Variants in SNX29 observed in about 807,000 individuals in gnomAD.
SNX29 encodes sorting nexin 29.
In SNX29, 78 loss-of-function variants were observed where a neutral mutation model predicts 102.1. The observed-to-expected ratio is 0.76, with a 90% CI of 0.64 to 0.92. SNX29 has a LOEUF of 0.92. Ranked by LOEUF, SNX29 falls within the 40% of genes least tolerant of loss-of-function variation. The probability of loss-of-function intolerance (pLI) is 0.00; values close to 1 mark genes in which losing one functional copy is unlikely to be tolerated. For missense variants in SNX29, 1,280 were observed against 1,061.7 expected, an observed-to-expected ratio of 1.21 and a Z score of -2.86; for synonymous variants, 580 against 414.5, an observed-to-expected ratio of 1.40 and a Z score of -4.85.
At chr16:12,322,325 G>C (rs984833478) in intron 15 of SNX29, among the ~76,000 whole-genome samples, 38 of 152,084 alleles carry the variant, frequency 2.5e-4, no homozygotes, top group Non-Finnish European at 5.3e-4. Flanking sequence ...GGAAATCAGG[G>C]GCTATCGCAA....
intron 18 of SNX29, among the ~76,000 whole-genome samples, chr16:12,450,382 G>A (rs2086251142): frequency 6.6e-6 from 1 of 152,206 alleles, no homozygotes; most frequent in Admixed American, 6.5e-5. Context: ...CTCATGGGCA[G>A]GAGTCAACTG....
intron 20 of SNX29, among the ~76,000 whole-genome samples, chr16:12,534,230 C>T (rs922224572): frequency 3.9e-5 from 6 of 152,230 alleles, no homozygotes; most frequent in African/African-American, 1.2e-4. Flanking sequence ...GAGTAATCGT[C>T]GGGCTAGAGA....
At chr16:12,351,722 C>A (rs778655324) in intron 15 of SNX29, among the ~76,000 whole-genome samples, 4 of 152,076 alleles carry the variant, frequency 2.6e-5, no homozygotes, top group African/African-American at 9.7e-5. Flanking sequence ...AGGAATTACT[C>A]CATCTCCTAA....
chr16:12,555,721 C>G (rs1017661997), intron 20 of SNX29, among the ~76,000 whole-genome samples: 2 of 152,100 alleles, frequency 1.3e-5, no homozygotes, highest in Non-Finnish European at 2.9e-5. Context: ...CTGATTGGCC[C>G]TTTCACTTTT....
intron 15 of SNX29, among the ~76,000 whole-genome samples, chr16:12,316,760 C>A (rs991223505): frequency 6.6e-6 from 1 of 152,186 alleles, no homozygotes; most frequent in African/African-American, 2.4e-5. Context: ...TCTCTGCATC[C>A]TCTTCCCTCC....
At chr16:12,126,336 A>G (rs1596985973) in intron 11 of SNX29, among the ~76,000 whole-genome samples, 1 of 152,252 alleles carries the variant, frequency 6.6e-6, no homozygotes, top group East Asian at 1.9e-4. Flanking sequence ...TCTAGGAGAT[A>G]GTAACTGTTA....
chr16:12,510,466 A>C (rs1050077109), intron 19 of SNX29, among the ~76,000 whole-genome samples: 1 of 152,112 alleles, frequency 6.6e-6, no homozygotes, highest in African/African-American at 2.4e-5. Context: ...TTGAGGTCAG[A>C]GTTCGAGACC....
chr16:12,561,855 C>G (rs879589008), intron 20 of SNX29, among the ~76,000 whole-genome samples: 1 of 152,136 alleles, frequency 6.6e-6, no homozygotes, highest in Non-Finnish European at 1.5e-5. Context: ...GAGGCAGTGC[C>G]CTGGGGACTT....
intron 16 of SNX29, among the ~76,000 whole-genome samples, chr16:12,382,299 C>G (rs2083195182): frequency 6.6e-6 from 1 of 152,134 alleles, no homozygotes; most frequent in Non-Finnish European, 1.5e-5. Context: ...GTTAAGATAG[C>G]AGAGTCATGG....
chr16:12,486,160 C>T (rs998684987), intron 19 of SNX29, among the ~76,000 whole-genome samples: 1 of 152,202 alleles, frequency 6.6e-6, no homozygotes, highest in Non-Finnish European at 1.5e-5. Context: ...TGGCCCCTTC[C>T]TCTGTCTTCC....
intron 3 of SNX29, among the ~76,000 whole-genome samples, chr16:12,004,021 G>A (rs1414935105): frequency 6.6e-6 from 1 of 151,990 alleles, no homozygotes; most frequent in African/African-American, 2.4e-5. Flanking sequence ...GGGTGACAGA[G>A]TGAGACAGGA....
At position 12,013,501 on chromosome 16, in the gene SNX29, ATATATATATATATATATATATAT is replaced by A. The variant is rs1478146473; in HGVS notation, c.122+10459_122+10481del. The stretch of plus-strand genomic sequence containing the variant: ...TCTCTACTGGGGGAAAAAAAAAAAA[ATATATATATATATATATATATAT>A]ATATATATATATATATATCGAGAGA... On this transcript the variant is annotated intron_variant, in intron 3 of 20. Transcript: ENST00000566228. Among the ~76,000 whole-genome samples the A allele has an allele frequency of 3.7e-4, 15 of 40,896 alleles. 1 individual carries two copies. The highest frequency in any genetic ancestry group is 7.2e-4 in the African/African-American group (8 of 11,040). The allele number at this position is 40,896 out of a possible 152,430, so 26.8% of individuals were successfully genotyped here. A position where few individuals can be genotyped will look rare whatever the true frequency, so the allele number is the denominator to read the frequency against.
chr16:12,152,702 AC>A (rs1351554227), intron 13 of SNX29, among the ~76,000 whole-genome samples: 1 of 152,250 alleles, frequency 6.6e-6, no homozygotes, highest in East Asian at 1.9e-4. Flanking sequence ...CGCAGTACAT[AC>A]ACCACAGGTC....
intron 20 of SNX29, among the ~76,000 whole-genome samples, chr16:12,551,219 A>G (rs1188646402): frequency 1.3e-5 from 2 of 148,386 alleles, no homozygotes; most frequent in Non-Finnish European, 2.9e-5. Context: ...CTGCACTCAG[A>G]TTTGCCATCT....
chr16:12,403,784 C>A (rs2084056410), intron 18 of SNX29, among the ~76,000 whole-genome samples: 1 of 152,206 alleles, frequency 6.6e-6, no homozygotes, highest in Non-Finnish European at 1.5e-5. Context: ...GCTCAGACTG[C>A]ATGAGCAGAA....
chr16:12,374,330 C>G (rs2082794770), intron 16 of SNX29: 1 of 152,248 alleles, frequency 6.6e-6, no homozygotes, highest in Non-Finnish European at 1.5e-5. Context: ...GCTATAATGA[C>G]TGAATCCAGT....
chr16:12,339,196 C>T (rs2081540682), intron 15 of SNX29, among the ~76,000 whole-genome samples: 1 of 151,906 alleles, frequency 6.6e-6, no homozygotes, highest in Non-Finnish European at 1.5e-5. Context: ...GGTGAAACCC[C>T]GTCTCTACTA....
At position 12,570,706 on chromosome 16, in the gene SNX29, A is replaced by G. The variant is rs945070470; in HGVS notation, c.*2077A>G. 8.6e-6 allele frequency: 2 copies of G among 231,918 alleles called. No homozygotes were observed. Among genetic ancestry groups the G allele is most frequent in the Admixed American group, 5.6e-5 (1 of 17,720 alleles). The allele number at this position is 231,918 out of a possible 1,614,324, so 14.4% of individuals were successfully genotyped here. ...CTTTTCTGACACCTGCCCCCAAAGC[A>G]CAGGATGTGAATTGGTCTCTCTCCA... On this transcript the variant is annotated 3_prime_UTR_variant, in exon 21 of 21. Transcript: ENST00000566228.
intron 14 of SNX29, among the ~76,000 whole-genome samples, chr16:12,214,023 G>T (rs10500378): frequency 0.059 from 8,971 of 152,144 alleles, 757 homozygotes; most frequent in African/African-American, 0.19. Flanking sequence ...GTCATCAAAT[G>T]TTGGGTCATA....
Sources: allele counts gnomAD v4.1 joint callset (sites outside exome capture counted in the v4.1 genomes callset), GRCh38; gene constraint gnomAD v4.1.1; transcripts MANE v1.5; gene names NCBI Gene and HGNC (gene_info 2026-07-23, HGNC 2026-07-21).